Variants in DNAH8 observed in about 807,000 individuals in gnomAD.
DNAH8 encodes the protein dynein axonemal heavy chain 8, also known as axonemal beta dynein heavy chain 8.
In DNAH8, 382 loss-of-function variants were observed where a neutral mutation model predicts 562.1. The ratio of observed to expected loss-of-function variants is 0.68; its 90% CI spans 0.63 to 0.74. The LOEUF is 0.74. DNAH8 is among the 30% of genes least tolerant of loss of function. DNAH8 has a pLI of 0.00. For missense variants in DNAH8, 5,203 were observed against 5,620.4 expected, an observed-to-expected ratio of 0.93 and a Z score of 2.37; for synonymous variants, 1,881 against 1,919.4, an observed-to-expected ratio of 0.98 and a Z score of 0.52.
chr6:38,801,579 T>C lies in DNAH8; in HGVS notation c.2902-1600T>C, dbSNP rs1189830182. Among the ~76,000 whole-genome samples the C allele has an allele frequency of 2.6e-5, 4 of 152,338 alleles. No individual in the cohort carries two copies. The South Asian group carries it at 6.2e-4, about 24-fold the overall frequency. The stretch of plus-strand genomic sequence containing the variant: ...TGGAATTGTCTACTTGCTTAACACT[T>C]ATTTTCCCTGTTAGACTGAAGTGGC... On this transcript the variant is annotated intron_variant, in intron 21 of 92. Transcript: ENST00000327475.
At chr6:38,721,895 G>A (rs535349519) in intron 1 of DNAH8, among the ~76,000 whole-genome samples, 24 of 152,246 alleles carry the variant, frequency 1.6e-4, no homozygotes, top group African/African-American at 5.5e-4. Context: ...GTCTTCTTAC[G>A]TGTTTGGGAA....
At chr6:38,828,515 G>A (rs1291728394) in intron 30 of DNAH8, among the ~76,000 whole-genome samples, 1 of 151,988 alleles carries the variant, frequency 6.6e-6, no homozygotes, top group Non-Finnish European at 1.5e-5. Context: ...GTCTAGAATT[G>A]CCTTCAGCAT....
chr6:39,012,026 A>T (rs1460894404), intron 89 of DNAH8, among the ~76,000 whole-genome samples, 189 bp from the exon 90 acceptor site: 1 of 152,236 alleles, frequency 6.6e-6, no homozygotes, highest in East Asian at 1.9e-4. Context: ...TTAGTTGAAC[A>T]GTAGTTTTGG....
rs546949236 is a variant in DNAH8 at position 38,846,238 on chromosome 6, A to T, written c.5045+465A>T. On this transcript the variant is annotated intron_variant, in intron 36 of 92. Transcript: ENST00000327475. Reference sequence around the variant, plus strand: ...GCTTGGCACTTACTTAGAGACTTTCATTTTTTATGGTGAAAAGAGCCTGAG... The same window carrying T: ...GCTTGGCACTTACTTAGAGACTTTCTTTTTTTATGGTGAAAAGAGCCTGAG... Among the ~76,000 whole-genome samples, 66 of 152,124 alleles carry T rather than the reference A, an allele frequency of 4.3e-4. 1 individual carries two copies. Among genetic ancestry groups the T allele is most frequent in the Non-Finnish European group, 8.2e-4 (56 of 68,024 alleles).
At chr6:38,935,772 C>A in intron 77 of DNAH8, 75 bp downstream of exon 77, 1 of 1,089,356 alleles carries the variant, frequency 9.2e-7, no homozygotes, top group Non-Finnish European at 1.3e-6. Context: ...TCAATGCCCT[C>A]ATGACTATAG....
chr6:38,826,387 T>A lies in DNAH8; in HGVS notation c.4079T>A (p.Ile1360Asn), dbSNP rs779527872. The part of the protein sequence containing the change: ...EIQMDMTLGP[I>N]EEAYAILNRF... The stretch of plus-strand genomic sequence containing the variant: ...CAAATGGACATGACTTTGGGACCAA[T>A]TGAAGTAAGAAATGATTGCATTTTT... Residue 1360 changes from isoleucine (I) to asparagine (N), a missense_variant, in exon 29 of 93, where the codon ATT becomes AAT. This residue lies in a region of DNAH8 where 2,176 missense variants were observed against 2,365.1 expected (regional missense o/e 0.92). Transcript: ENST00000327475. 1 of 1,581,868 alleles carries A rather than the reference T, an allele frequency of 6.3e-7. No homozygotes were observed. Among genetic ancestry groups the A allele is most frequent in the African/African-American group, 1.4e-5 (1 of 73,106 alleles).
chr6:38,903,612 C>CTTTTTTTTTTTT lies in DNAH8; in HGVS notation c.9195-2635_9195-2624dup, dbSNP rs756414599. On this transcript the variant is annotated intron_variant, in intron 62 of 92. Coordinates refer to ENST00000327475, the MANE Select transcript of DNAH8 (RefSeq NM_001206927.2). ...ATGTTTTCTTTTTCTTTCTTTCTTCCTTTTTTTTTTTTTTTTTTGAGAAGG... is the reference window on the plus strand; with the variant it reads ...ATGTTTTCTTTTTCTTTCTTTCTTCCTTTTTTTTTTTTTTTTTTTTTTTTTTTTTTGAGAAGG... 2.3e-5 allele frequency among the ~76,000 whole-genome samples: 3 copies of CTTTTTTTTTTTT among 129,444 alleles called. 1 individual carries two copies. The highest frequency in any genetic ancestry group is 1.6e-5 in the Non-Finnish European group (1 of 62,098). 84.9% of individuals were successfully genotyped at this position (129,444 alleles called of 152,430 possible). A position where few individuals can be genotyped will look rare whatever the true frequency, so the allele number is the denominator to read the frequency against.
intron 91 of DNAH8, among the ~76,000 whole-genome samples, chr6:39,016,714 C>T (rs914260630): frequency 6.6e-6 from 1 of 152,116 alleles, no homozygotes; most frequent in Non-Finnish European, 1.5e-5. Flanking sequence ...CGTGTGATTG[C>T]TAATGTTTAT....
chr6:38,827,085 G>A (rs765109813), intron 29 of DNAH8, among the ~76,000 whole-genome samples: 3 of 152,108 alleles, frequency 2.0e-5, no homozygotes, highest in Non-Finnish European at 2.9e-5. Context: ...GGCTGCCCAC[G>A]TGTCTTGGCT....
chr6:38,994,757 G>A (rs1299274775), intron 88 of DNAH8, among the ~76,000 whole-genome samples: 1 of 149,370 alleles, frequency 6.7e-6, no homozygotes, highest in Non-Finnish European at 1.5e-5. Context: ...TGATTCTCCT[G>A]CCTCAGCCTC....
chr6:38,870,595 G>C lies in DNAH8; in HGVS notation c.6990+33G>C, dbSNP rs774351727. On this transcript the variant is annotated intron_variant, in intron 49 of 92. Transcript: ENST00000327475. ...CATTTTAATCTATTATTAGTATAAT[G>C]ATAAGTATGTGTTAAACATTCCTGT... is the stretch of plus-strand genomic sequence containing the variant. 24 of 1,575,068 alleles carry C rather than the reference G, an allele frequency of 1.5e-5. No homozygotes were observed. In the South Asian group the frequency reaches 2.4e-4, roughly 16 times the overall value.
intron 52 of DNAH8, among the ~76,000 whole-genome samples, chr6:38,874,468 C>T (rs771952425): frequency 3.7e-4 from 56 of 151,222 alleles, no homozygotes; most frequent in Non-Finnish European, 5.7e-4. Flanking sequence ...GTCCTGGGCT[C>T]GAGCTGTCCT....
chr6:38,808,352 T>G (rs1771483902), intron 24 of DNAH8, among the ~76,000 whole-genome samples: 1 of 152,170 alleles, frequency 6.6e-6, no homozygotes, highest in African/African-American at 2.4e-5. Flanking sequence ...GACAGTATTA[T>G]TCGGTTAAAA....
At position 38,737,253 on chromosome 6, in the gene DNAH8, G is replaced by T; in HGVS notation, c.949G>T (p.Asp317Tyr). The change falls in exon 6 of 93, where the codon GAT becomes TAT. Residue 317 changes from aspartate to tyrosine, a missense_variant. Transcript: ENST00000327475. ...CATCAACAGATATCTTTCATTTTTA[G>T]ATGGTAAGTATAAAATTTAATGTTT... ...ETINRYLSFL[D>Y]GARISIEGTV... 7.0e-7 allele frequency: 1 copy of T among 1,431,632 alleles called. No homozygotes were observed. Among genetic ancestry groups the T allele is most frequent in the Non-Finnish European group, 9.2e-7 (1 of 1,084,176 alleles). The allele number at this position is 1,431,632 out of a possible 1,614,324, so 88.7% of individuals were successfully genotyped here. A position where few individuals can be genotyped will look rare whatever the true frequency, so the allele number is the denominator to read the frequency against.
rs763087093 is a variant in DNAH8, at chr6:38,828,192, T to C, written c.4092T>C (p.Tyr1364=). 2 of 1,587,836 alleles carry C rather than the reference T, an allele frequency of 1.3e-6. No homozygotes were observed. The highest frequency in any genetic ancestry group is 1.7e-6 in the Non-Finnish European group (2 of 1,168,058). ...DMTLGPIEEA[Y]AILNRFEVEV... ...CCACCTTCATCCTGCAGGAAGCCTA[T>C]GCTATTTTAAACAGATTTGAAGTTG... The change falls in exon 30 of 93, where the codon TAT becomes TAC. Residue 1364 remains tyrosine (Y), a synonymous_variant. Coordinates refer to ENST00000327475, the MANE Select transcript of DNAH8 (RefSeq NM_001206927.2).
intron 49 of DNAH8, among the ~76,000 whole-genome samples, chr6:38,870,854 C>T (rs770333547): frequency 2.6e-5 from 4 of 152,140 alleles, no homozygotes; most frequent in East Asian, 1.9e-4. Flanking sequence ...AACGGAACAA[C>T]GCAGATGTCT....
intron 61 of DNAH8, among the ~76,000 whole-genome samples, chr6:38,898,961 A>G (rs566484149): frequency 1.3e-5 from 2 of 152,346 alleles, no homozygotes; most frequent in South Asian, 2.1e-4. Flanking sequence ...GTGCAAAGCC[A>G]TAAGTGATTA....
intron 32 of DNAH8, 106 bp from the exon 33 acceptor site, chr6:38,837,835 AT>A: frequency 1.3e-6 from 1 of 756,614 alleles, no homozygotes. Context: ...TTTTATAGCT[AT>A]TACTTAATAA....
chr6:38,940,311 G>A (rs1447576678), intron 79 of DNAH8, among the ~76,000 whole-genome samples: 1 of 152,176 alleles, frequency 6.6e-6, no homozygotes, highest in Non-Finnish European at 1.5e-5. Context: ...AGCCAAGAGA[G>A]CATGCAGAAA....
Sources: allele counts gnomAD v4.1 joint callset (sites outside exome capture counted in the v4.1 genomes callset), GRCh38; gene constraint gnomAD v4.1.1; regional missense constraint gnomAD v4.1.1; transcripts MANE v1.5; gene names NCBI Gene and HGNC (gene_info 2026-07-23, HGNC 2026-07-21).